Variants in FHIT observed in about 807,000 individuals in gnomAD.
The protein encoded by FHIT is bis(5'-adenosyl)-triphosphatase.
In FHIT, 19 loss-of-function variants were observed where a neutral mutation model predicts 17.9. The observed-to-expected ratio is 1.06, with a 90% CI of 0.74 to 1.56. The LOEUF (loss-of-function observed/expected upper bound fraction) is 1.56. FHIT is among the 40% of genes most tolerant of loss of function. The probability of loss-of-function intolerance (pLI) is 0.00; values close to 1 mark genes in which losing one functional copy is unlikely to be tolerated. For missense variants in FHIT, 248 were observed against 189.2 expected, an observed-to-expected ratio of 1.31 and a Z score of -1.82; for synonymous variants, 81 against 69.7, an observed-to-expected ratio of 1.16 and a Z score of -0.81.
intron 5 of FHIT, among the ~76,000 whole-genome samples, chr3:60,144,642 G>A (rs918955348): frequency 1.3e-4 from 19 of 151,734 alleles, no homozygotes; most frequent in African/African-American, 4.1e-4. Flanking sequence ...TAATATTTAC[G>A]GGGTACAATT....
chr3:60,698,318 C>T (rs2041160760), intron 4 of FHIT, among the ~76,000 whole-genome samples: 1 of 152,010 alleles, frequency 6.6e-6, no homozygotes, highest in South Asian at 2.1e-4. Flanking sequence ...GATTTGGCTT[C>T]TAGAACATAA....
intron 8 of FHIT, among the ~76,000 whole-genome samples, chr3:59,864,297 G>C (rs1702536147): frequency 6.6e-6 from 1 of 152,094 alleles, no homozygotes; most frequent in South Asian, 2.1e-4. Context: ...TCTTTCGATA[G>C]TGAAGAAGTC....
chr3:60,378,456 A>G (rs1239415221), intron 5 of FHIT, among the ~76,000 whole-genome samples: 1 of 152,184 alleles, frequency 6.6e-6, no homozygotes, highest in Non-Finnish European at 1.5e-5. Flanking sequence ...ATCAGGGTAC[A>G]TGTGGCACTT....
rs147334923 is a variant in FHIT, at chr3:60,305,101, G to C, written c.103+231759C>G. Among the ~76,000 whole-genome samples, 27 of 152,148 alleles carry C rather than the reference G, an allele frequency of 1.8e-4. No individual in the cohort carries two copies. In the East Asian group the frequency reaches 2.9e-3, roughly 16 times the overall value. ...TTGTTTGGATTGGGGGCTGGGGTTT[G>C]CAAGAAAACACAGAATATTCCTTTT... On this transcript the variant is annotated intron_variant, in intron 5 of 9. Transcript: ENST00000492590.
At chr3:61,202,487 A>C (rs1026850938) in intron 1 of FHIT, among the ~76,000 whole-genome samples, 37 of 148,282 alleles carry the variant, frequency 2.5e-4, no homozygotes, top group African/African-American at 8.2e-4. Context: ...TGCATTTTTG[A>C]CATTAAAGTT....
Position 60,785,192 on chromosome 3 carries a change from AG to A in FHIT, c.-18+36726del, listed in dbSNP as rs1298718378. 2.6e-5 allele frequency among the ~76,000 whole-genome samples: 4 copies of A among 152,226 alleles called. No individual in the cohort carries two copies. In the East Asian group the frequency reaches 7.7e-4, roughly 29 times the overall value. ...AAGAAAAATGGGATAAAGAAATAACAGTTGCAAAGGTAAGAAGCAGAGACAG... is the reference window on the plus strand; with the variant it reads ...AAGAAAAATGGGATAAAGAAATAACATTGCAAAGGTAAGAAGCAGAGACAG... On this transcript the variant is annotated intron_variant, in intron 4 of 9. Coordinates refer to ENST00000492590, the MANE Select transcript of FHIT (RefSeq NM_002012.4).
intron 5 of FHIT, among the ~76,000 whole-genome samples, chr3:60,482,852 A>T (rs2033672309): frequency 6.6e-6 from 1 of 152,060 alleles, no homozygotes; most frequent in Admixed American, 6.6e-5. Flanking sequence ...GGAGATAGAG[A>T]CACAAAAAAC....
At chr3:59,897,927 T>C (rs928975485) in intron 8 of FHIT, among the ~76,000 whole-genome samples, 1 of 151,948 alleles carries the variant, frequency 6.6e-6, no homozygotes, top group East Asian at 1.9e-4. Flanking sequence ...CCACCACGCC[T>C]GGCTAATTTT....
At chr3:59,948,245 A>AGCAC (rs1559489591) in intron 7 of FHIT, among the ~76,000 whole-genome samples, 1 of 151,634 alleles carries the variant, frequency 6.6e-6, no homozygotes, top group Non-Finnish European at 1.5e-5. Flanking sequence ...TAGATCACAC[A>AGCAC]TGTAATCCCA....
intron 2 of FHIT, among the ~76,000 whole-genome samples, chr3:61,061,890 C>A: frequency 6.6e-6 from 1 of 152,094 alleles, no homozygotes; most frequent in East Asian, 1.9e-4. Flanking sequence ...CTGAGGGAGC[C>A]TATATTAATA....
chr3:61,187,002 T>C (rs1028624315), intron 2 of FHIT, among the ~76,000 whole-genome samples: 10 of 152,206 alleles, frequency 6.6e-5, no homozygotes, highest in African/African-American at 2.2e-4. Flanking sequence ...TTTGTTGGTT[T>C]ACTAGTTCTG....
chr3:61,177,833 C>T (rs190511661), intron 2 of FHIT, among the ~76,000 whole-genome samples: 1 of 152,306 alleles, frequency 6.6e-6, no homozygotes, highest in East Asian at 1.9e-4. Flanking sequence ...TCCAACACTA[C>T]ATTTTGTCAA....
intron 5 of FHIT, among the ~76,000 whole-genome samples, chr3:60,471,865 A>G (rs372826307): frequency 6.6e-4 from 101 of 152,206 alleles, no homozygotes; most frequent in African/African-American, 2.3e-3. Context: ...AAGCATGGCC[A>G]TGGAATCTTC....
chr3:60,137,431 C>G (rs778769285), intron 5 of FHIT, among the ~76,000 whole-genome samples: 1 of 152,154 alleles, frequency 6.6e-6, no homozygotes, highest in African/African-American at 2.4e-5. Flanking sequence ...AGAAAACTAA[C>G]AATTAAAATG....
intron 7 of FHIT, among the ~76,000 whole-genome samples, chr3:59,947,088 T>G (rs1317884024): frequency 1.3e-5 from 2 of 152,230 alleles, no homozygotes; most frequent in Admixed American, 1.3e-4. Context: ...GTGGGAATAG[T>G]ACCAGCTCCT....
At chr3:60,155,561 T>G (rs1177490890) in intron 5 of FHIT, among the ~76,000 whole-genome samples, 1 of 152,092 alleles carries the variant, frequency 6.6e-6, no homozygotes. Context: ...GGTTGGGTGG[T>G]CAATTGCAAC....
chr3:60,311,484 G>GA (rs2106759875), intron 5 of FHIT, among the ~76,000 whole-genome samples: 1 of 152,208 alleles, frequency 6.6e-6, no homozygotes, highest in African/African-American at 2.4e-5. Flanking sequence ...TCACTATATG[G>GA]CTACTGTGTT....
At chr3:61,089,630 T>C (rs2035416935) in intron 2 of FHIT, among the ~76,000 whole-genome samples, 1 of 152,148 alleles carries the variant, frequency 6.6e-6, no homozygotes, top group Non-Finnish European at 1.5e-5. Flanking sequence ...TTAAAGGGAT[T>C]GAGCCTATTT....
intron 7 of FHIT, among the ~76,000 whole-genome samples, chr3:59,979,737 T>G (rs1708569506): frequency 6.6e-6 from 1 of 152,130 alleles, no homozygotes; most frequent in African/African-American, 2.4e-5. Context: ...TTGGTCGCTA[T>G]ACTCCCACCC....
Sources: allele counts gnomAD v4.1 joint callset (sites outside exome capture counted in the v4.1 genomes callset), GRCh38; gene constraint gnomAD v4.1.1; transcripts MANE v1.5; gene names NCBI Gene and HGNC (gene_info 2026-07-23, HGNC 2026-07-21).